Variants in SOX5 observed in about 807,000 individuals in gnomAD.
SOX5 encodes the protein SRY-box transcription factor 5.
Under a neutral mutation model 92.0 loss-of-function variants are expected in SOX5, and 9 were observed. That is an observed-to-expected ratio of 0.10 (90% CI 0.06 to 0.17). SOX5 has a LOEUF of 0.17. Ranked by LOEUF, SOX5 falls within the 10% of genes least tolerant of loss-of-function variation. The pLI, the probability that SOX5 is intolerant of heterozygous loss-of-function variation, is 1.00. For synonymous variants in SOX5, 344 were observed against 336.3 expected, an observed-to-expected ratio of 1.02 and a Z score of -0.25; for missense variants, 642 against 944.5, an observed-to-expected ratio of 0.68 and a Z score of 4.20.
intron 1 of SOX5, among the ~76,000 whole-genome samples, chr12:23,914,653 A>T (rs940787205): frequency 6.6e-5 from 10 of 152,184 alleles, no homozygotes; most frequent in African/African-American, 2.2e-4. Flanking sequence ...CTGGATATTT[A>T]AAAAATCAAT....
intron 4 of SOX5, among the ~76,000 whole-genome samples, chr12:24,017,803 C>T (rs1329264004): frequency 6.6e-6 from 1 of 152,094 alleles, no homozygotes; most frequent in Non-Finnish European, 1.5e-5. Context: ...ATCACCGTCA[C>T]TTTCAGATGA....
upstream of SOX5, among the ~76,000 whole-genome samples, chr12:23,950,128 A>G (rs1945361014): frequency 6.6e-6 from 1 of 152,132 alleles, no homozygotes; most frequent in African/African-American, 2.4e-5. Context: ...ATATAATAAC[A>G]GAAGCTCGAT....
chr12:23,908,961 C>T (rs1204223943), intron 1 of SOX5, among the ~76,000 whole-genome samples: 2 of 151,808 alleles, frequency 1.3e-5, no homozygotes, highest in Non-Finnish European at 2.9e-5. Flanking sequence ...AGCACATGCC[C>T]TGTTGTTTTT....
chr12:24,267,630 T>A (rs771901193), intron 3 of SOX5, among the ~76,000 whole-genome samples: 1 of 152,220 alleles, frequency 6.6e-6, no homozygotes, highest in Non-Finnish European at 1.5e-5. Context: ...TTTGGGTTCA[T>A]GGTTTTTACT....
At chr12:24,258,299 A>C (rs1276340332) in intron 3 of SOX5, among the ~76,000 whole-genome samples, 1 of 152,164 alleles carries the variant, frequency 6.6e-6, no homozygotes, top group Non-Finnish European at 1.5e-5. Flanking sequence ...ACAAACAAAC[A>C]AACAAACAAA....
At chr12:23,951,826 G>C (rs181512864), upstream of SOX5, among the ~76,000 whole-genome samples, 530 of 152,158 alleles carry the variant, frequency 3.5e-3, 1 homozygote, top group Non-Finnish European at 6.0e-3. Context: ...GTTGGGGAAG[G>C]GGGGAAGAAT....
chr12:23,584,488 G>T, intron 9 of SOX5: 1 of 1,196,442 alleles, frequency 8.4e-7, no homozygotes, highest in Non-Finnish European at 1.2e-6. Context: ...TTATGCATAA[G>T]TCATTTATTA....
At chr12:24,501,642 A>T (rs1948217863) in intron 1 of SOX5, among the ~76,000 whole-genome samples, 1 of 152,152 alleles carries the variant, frequency 6.6e-6, no homozygotes, top group Admixed American at 6.5e-5. Flanking sequence ...CCTGGGCAAC[A>T]TGGCAAGACC....
chr12:24,067,271 G>C (rs765663768), intron 4 of SOX5, among the ~76,000 whole-genome samples: 1 of 152,104 alleles, frequency 6.6e-6, no homozygotes, highest in African/African-American at 2.4e-5. Context: ...AGGGGCAGGC[G>C]CCTCCCTGGA....
intron 1 of SOX5, among the ~76,000 whole-genome samples, chr12:23,923,247 G>A (rs1414542167): frequency 1.3e-5 from 2 of 151,762 alleles, no homozygotes; most frequent in East Asian, 1.9e-4. Flanking sequence ...CTCCATGCCC[G>A]GCCAAGGGAA....
intron 3 of SOX5, among the ~76,000 whole-genome samples, chr12:23,792,560 T>C (rs1030496286): frequency 7.7e-6 from 1 of 129,392 alleles, no homozygotes; most frequent in African/African-American, 3.0e-5. Context: ...GAGGCAGAGG[T>C]TGCAGTGAGC....
At chr12:24,412,495 A>C (rs1964283848) in intron 1 of SOX5, among the ~76,000 whole-genome samples, 1 of 152,012 alleles carries the variant, frequency 6.6e-6, no homozygotes, top group South Asian at 2.1e-4. Flanking sequence ...ATTGTCATTC[A>C]GTTCAATATA....
chr12:23,580,023 T>C (rs1191588944), intron 9 of SOX5, among the ~76,000 whole-genome samples: 1 of 152,070 alleles, frequency 6.6e-6, no homozygotes, highest in African/African-American at 2.4e-5. Context: ...AGCTCCAAAC[T>C]TGTATATCAT....
intron 2 of SOX5, among the ~76,000 whole-genome samples, chr12:24,283,587 G>A (rs560468291): frequency 7.2e-5 from 11 of 152,170 alleles, no homozygotes; most frequent in Non-Finnish European, 1.0e-4. Context: ...ATTAAACTCC[G>A]TCTTTTTAAG....
At chr12:24,009,108 A>C (rs562799296) in intron 4 of SOX5, among the ~76,000 whole-genome samples, 1 of 152,332 alleles carries the variant, frequency 6.6e-6, no homozygotes, top group African/African-American at 2.4e-5. Context: ...TCAGCCATAT[A>C]AGCGAAGAAG....
intron 1 of SOX5, among the ~76,000 whole-genome samples, chr12:23,898,591 C>T (rs1168558934): frequency 6.6e-6 from 1 of 152,176 alleles, no homozygotes; most frequent in Non-Finnish European, 1.5e-5. Context: ...ACTGACAAGA[C>T]ATTGATAGTT....
intron 4 of SOX5, among the ~76,000 whole-genome samples, chr12:23,988,986 T>A (rs751177199): frequency 6.6e-6 from 1 of 152,138 alleles, no homozygotes; most frequent in Non-Finnish European, 1.5e-5. Flanking sequence ...CTTAAAGGAA[T>A]AGAAGATTGT....
intron 2 of SOX5, among the ~76,000 whole-genome samples, chr12:23,856,909 A>G (rs1468990860): frequency 6.6e-6 from 1 of 152,150 alleles, no homozygotes; most frequent in African/African-American, 2.4e-5. Context: ...TTTCTATACC[A>G]TGAAGACAGG....
chr12:23,663,907 A>C (rs1434495275), intron 7 of SOX5, among the ~76,000 whole-genome samples: 1 of 152,138 alleles, frequency 6.6e-6, no homozygotes, highest in African/African-American at 2.4e-5. Context: ...GATGCGGAAA[A>C]TAATATTAGA....
Sources: allele counts gnomAD v4.1 joint callset (sites outside exome capture counted in the v4.1 genomes callset), GRCh38; gene constraint gnomAD v4.1.1; transcripts MANE v1.5; gene names NCBI Gene and HGNC (gene_info 2026-07-23, HGNC 2026-07-21).